DACH1: variants seen among roughly 807,000 people sequenced by gnomAD.
DACH1 encodes the protein dachshund family transcription factor 1.
In DACH1, 12 loss-of-function variants were observed where a neutral mutation model predicts 54.2. The observed-to-expected ratio is 0.22, with a 90% CI of 0.14 to 0.36. DACH1 has a LOEUF of 0.36. DACH1 is among the 10% of genes least tolerant of loss of function. The probability of loss-of-function intolerance (pLI) is 1.00; values close to 1 mark genes in which losing one functional copy is unlikely to be tolerated. For missense variants in DACH1, 805 were observed against 929.8 expected (o/e 0.87, Z 1.75); for synonymous variants, 386 against 366.2 (o/e 1.05, Z -0.62).
At chr13:71,550,383 G>T (rs975048548) in intron 6 of DACH1, among the ~76,000 whole-genome samples, 1 of 152,094 alleles carries the variant, frequency 6.6e-6, no homozygotes, top group East Asian at 1.9e-4. Flanking sequence ...AGAAGTTTGG[G>T]CTGAACACTA....
intron 1 of DACH1, among the ~76,000 whole-genome samples, chr13:71,842,884 T>C (rs537221018): frequency 6.6e-6 from 1 of 152,314 alleles, no homozygotes; most frequent in East Asian, 1.9e-4. Context: ...ATTGGGTGTC[T>C]TGTTAGAGCA....
At chr13:71,701,826 C>T (rs970071419) in intron 1 of DACH1, among the ~76,000 whole-genome samples, 11 of 152,058 alleles carry the variant, frequency 7.2e-5, no homozygotes, top group African/African-American at 2.4e-4. Flanking sequence ...TGTTCAATTC[C>T]GTACTGTTTT....
intron 6 of DACH1, among the ~76,000 whole-genome samples, chr13:71,522,468 A>G (rs749931161): frequency 2.6e-5 from 4 of 152,022 alleles, no homozygotes; most frequent in Non-Finnish European, 5.9e-5. Flanking sequence ...CAAATAATCC[A>G]TCATACTGCT....
chr13:71,696,778 C>A (rs1184630429), intron 1 of DACH1, among the ~76,000 whole-genome samples: 1 of 152,104 alleles, frequency 6.6e-6, no homozygotes, highest in African/African-American at 2.4e-5. Context: ...AACTCCTAAC[C>A]ACAGGTGATC....
chr13:71,692,022 C>T (rs972202193), intron 1 of DACH1, among the ~76,000 whole-genome samples: 1 of 151,366 alleles, frequency 6.6e-6, no homozygotes, highest in African/African-American at 2.4e-5. Context: ...CACACACACA[C>T]ACACACACAC....
In DACH1 at chr13:71,604,330, A is replaced by G. The variant is rs374322222; in HGVS notation, c.1126+26226T>C. Among the ~76,000 whole-genome samples the G allele has an allele frequency of 5.3e-5, 8 of 152,072 alleles. No homozygotes were observed. The East Asian group carries it at 5.8e-4, about 11-fold the overall frequency. On this transcript the variant is annotated intron_variant, in intron 3 of 10. Transcript: ENST00000613252. ...AAATCAAGTGATTAAGTAAAAATGA[A>G]CTAAGTATCCTAACAGATAAATAAA...
intron 1 of DACH1, among the ~76,000 whole-genome samples, chr13:71,762,024 A>T (rs1885418882): frequency 6.6e-6 from 1 of 152,130 alleles, no homozygotes. Context: ...TGTATACTTA[A>T]TTATTAACTA....
intron 2 of DACH1, among the ~76,000 whole-genome samples, chr13:71,654,979 T>A (rs1335552248): frequency 6.6e-6 from 1 of 152,220 alleles, no homozygotes; most frequent in Non-Finnish European, 1.5e-5. Context: ...CTAATCTACA[T>A]GGCAGCATTA....
At chr13:71,614,730 T>C (rs1349530534) in intron 3 of DACH1, among the ~76,000 whole-genome samples, 2 of 151,916 alleles carry the variant, frequency 1.3e-5, no homozygotes, top group East Asian at 3.9e-4. Context: ...GGTGCATGCC[T>C]GTAGTCCCAG....
intron 6 of DACH1, among the ~76,000 whole-genome samples, chr13:71,529,161 A>C (rs979460366): frequency 1.3e-5 from 2 of 148,482 alleles, no homozygotes; most frequent in Non-Finnish European, 1.5e-5. Flanking sequence ...CACATAGTAC[A>C]TCAAACAATA....
chr13:71,716,982 C>T (rs533195613), intron 1 of DACH1, among the ~76,000 whole-genome samples: 1 of 152,174 alleles, frequency 6.6e-6, no homozygotes, highest in East Asian at 1.9e-4. Context: ...TTAAAGTATA[C>T]ATCATGCATG....
At chr13:71,562,060 C>T (rs144918713) in intron 4 of DACH1, among the ~76,000 whole-genome samples, 19 of 151,884 alleles carry the variant, frequency 1.3e-4, no homozygotes, top group African/African-American at 3.9e-4. Flanking sequence ...AGTTGCAATG[C>T]GTATTACAAT....
intron 10 of DACH1, among the ~76,000 whole-genome samples, chr13:71,466,512 T>C (rs1171708324): frequency 1.3e-5 from 2 of 152,210 alleles, no homozygotes; most frequent in South Asian, 2.1e-4. Context: ...CGAACTCTCA[T>C]AGTGCCAACC....
At chr13:71,703,823 C>G (rs1882288202) in intron 1 of DACH1, among the ~76,000 whole-genome samples, 1 of 152,048 alleles carries the variant, frequency 6.6e-6, no homozygotes, top group Non-Finnish European at 1.5e-5. Context: ...AATGATGGTA[C>G]CAGCTATGTG....
At position 71,660,629 on chromosome 13, in the gene DACH1, T is replaced by C. The variant is rs181213928; in HGVS notation, c.964+21166A>G. Among the ~76,000 whole-genome samples the C allele has an allele frequency of 1.6e-3, 249 of 152,158 alleles. 2 individuals carry two copies. Among genetic ancestry groups the C allele is most frequent in the Non-Finnish European group, 3.0e-3 (206 of 67,940 alleles). On this transcript the variant is annotated intron_variant, in intron 2 of 10. Transcript: ENST00000613252. ...AGTCTTAATTTCTCATGGTACTACA[T>C]GTACCACAGAAAGTTGTTGGGAGAT...
intron 3 of DACH1, among the ~76,000 whole-genome samples, chr13:71,596,718 C>T (rs939131619): frequency 6.6e-6 from 1 of 152,112 alleles, no homozygotes; most frequent in African/African-American, 2.4e-5. Context: ...GAAGAGTGTA[C>T]TCATGCAAGT....
At chr13:71,467,232 AT>A (rs1876662560) in intron 10 of DACH1, among the ~76,000 whole-genome samples, 1 of 151,136 alleles carries the variant, frequency 6.6e-6, no homozygotes, top group East Asian at 2.0e-4. Flanking sequence ...AAAAAACAGT[AT>A]TACTTTTTAA....
At position 71,733,440 on chromosome 13, in the gene DACH1, C is replaced by T. The variant is rs192019014; in HGVS notation, c.849-51530G>A. Among the ~76,000 whole-genome samples the T allele has an allele frequency of 5.9e-4, 90 of 152,228 alleles. 2 individuals are homozygous for T. The East Asian group carries it at 0.014, about 23-fold the overall frequency. On this transcript the variant is annotated intron_variant, in intron 1 of 10. Coordinates refer to ENST00000613252, the MANE Select transcript of DACH1 (RefSeq NM_080759.6). ...CAAGCAATCTGCCTATCTCAGCCTCCCAAACTGCCGGGATTACAGGTGTGA... is the reference window on the plus strand; with the variant it reads ...CAAGCAATCTGCCTATCTCAGCCTCTCAAACTGCCGGGATTACAGGTGTGA...
Position 71,660,191 on chromosome 13 carries a change from G to A in DACH1, c.964+21604C>T, listed in dbSNP as rs140748487. On this transcript the variant is annotated intron_variant, in intron 2 of 10. Coordinates refer to ENST00000613252, the MANE Select transcript of DACH1 (RefSeq NM_080759.6). ...TTTTGATGTATAAGTGCTGGCAGCC[G>A]AAATTGCCCTGAGCACAAAATGAGC... Among the ~76,000 whole-genome samples, 542 of 152,166 alleles carry A rather than the reference G, an allele frequency of 3.6e-3. 1 individual carries two copies. The highest frequency in any genetic ancestry group is 0.017 in the Middle Eastern group (5 of 294).
Sources: gnomAD v4.1 joint callset for allele counts (sites outside exome capture counted in the v4.1 genomes callset) on GRCh38, gnomAD v4.1.1 for gene constraint, MANE v1.5 for transcripts, NCBI Gene and HGNC (gene_info 2026-07-23, HGNC 2026-07-21) for gene names.